The following BBX variants were observed in gnomAD, a reference collection of about 807,000 sequenced individuals.
BBX encodes HMG box transcription factor BBX.
BBX carries 30 observed loss-of-function variants against 100.2 expected under a neutral mutation model. The ratio of observed to expected loss-of-function variants is 0.30; its 90% CI spans 0.22 to 0.41. The LOEUF (loss-of-function observed/expected upper bound fraction) is 0.41, where lower values mean the gene tolerates loss of function less well. BBX is among the 10% of genes least tolerant of loss of function. The pLI is 1.00. For synonymous variants in BBX, 376 were observed against 388.1 expected (o/e 0.97, Z 0.37); for missense variants, 1,023 against 1,129.8 (o/e 0.91, Z 1.35).
At chr3:107,749,886 G>T (rs1011592910) in intron 9 of BBX, among the ~76,000 whole-genome samples, 1 of 152,002 alleles carries the variant, frequency 6.6e-6, no homozygotes, top group Non-Finnish European at 1.5e-5. Flanking sequence ...CGCCCGCCTC[G>T]GCCTTCCAAA....
At chr3:107,665,946 A>G (rs1458935389) in intron 3 of BBX, among the ~76,000 whole-genome samples, 1 of 151,460 alleles carries the variant, frequency 6.6e-6, no homozygotes, top group South Asian at 2.1e-4. Flanking sequence ...GGACACCTCA[A>G]CTCCAGGTGA....
intron 10 of BBX, among the ~76,000 whole-genome samples, chr3:107,758,324 A>G (rs2065644203): frequency 6.6e-6 from 1 of 152,214 alleles, no homozygotes; most frequent in South Asian, 2.1e-4. Flanking sequence ...AAGGAAGTTG[A>G]CAGCATGGAG....
Position 107,801,296 on chromosome 3 carries a change from G to A in BBX, c.2738+15G>A. The A allele has an allele frequency of 6.2e-7, 1 of 1,609,118 alleles. No homozygotes were observed. The highest frequency in any genetic ancestry group is 1.1e-5 in the South Asian group (1 of 90,480). On this transcript the variant is annotated intron_variant, in intron 17 of 17. Transcript: ENST00000325805. ...AATGTGCACAGGTTAGTGGTAGAAGGTGGAAGGAGAAAGCAACATGGAAAC... is the reference window on the plus strand; with the variant it reads ...AATGTGCACAGGTTAGTGGTAGAAGATGGAAGGAGAAAGCAACATGGAAAC...
intron 2 of BBX, among the ~76,000 whole-genome samples, chr3:107,612,891 G>C (rs2054949225): frequency 6.6e-6 from 1 of 152,168 alleles, no homozygotes; most frequent in Non-Finnish European, 1.5e-5. Context: ...CCAGAGCCTG[G>C]AGTCAGAAAC....
chr3:107,784,737 C>T (rs939079788), intron 13 of BBX, among the ~76,000 whole-genome samples: 7 of 151,644 alleles, frequency 4.6e-5, no homozygotes, highest in Non-Finnish European at 1.0e-4. Flanking sequence ...TAGCCTTCTA[C>T]TGTAAGACAC....
intron 10 of BBX, among the ~76,000 whole-genome samples, chr3:107,766,197 C>T (rs929184615): frequency 6.6e-6 from 1 of 152,164 alleles, no homozygotes; most frequent in African/African-American, 2.4e-5. Context: ...TCTCTCCACA[C>T]ACATATACAC....
Position 107,740,522 on chromosome 3 carries a change from T to C in BBX, c.670-4108T>C, listed in dbSNP as rs188289538. On this transcript the variant is annotated intron_variant, in intron 7 of 17. Coordinates refer to ENST00000325805, the MANE Select transcript of BBX (RefSeq NM_001142568.3). ...CAGACAGCGTCACCCTGCACTCCACTGACAGAATTACCTGACTACACATCT... is the reference window on the plus strand; with the variant it reads ...CAGACAGCGTCACCCTGCACTCCACCGACAGAATTACCTGACTACACATCT... 1.4e-4 allele frequency among the ~76,000 whole-genome samples: 21 copies of C among 152,230 alleles called. No homozygotes were observed. The East Asian group carries it at 4.1e-3, about 30-fold the overall frequency.
intron 2 of BBX, among the ~76,000 whole-genome samples, chr3:107,638,321 C>T (rs1270154741): frequency 6.6e-6 from 1 of 152,156 alleles, no homozygotes. Flanking sequence ...TCCCAAAGTG[C>T]TAGAATTATA....
intron 2 of BBX, among the ~76,000 whole-genome samples, chr3:107,566,057 C>T (rs2050878321): frequency 6.6e-6 from 1 of 151,450 alleles, no homozygotes; most frequent in Non-Finnish European, 1.5e-5. Context: ...TGCCTGTAAT[C>T]CCAGCCACTT....
At chr3:107,589,659 C>T (rs909603171) in intron 2 of BBX, among the ~76,000 whole-genome samples, 3 of 152,160 alleles carry the variant, frequency 2.0e-5, no homozygotes, top group African/African-American at 7.2e-5. Context: ...AGTTCTTTTT[C>T]AGTTTCAGAA....
At chr3:107,650,189 C>G (rs2057759921) in intron 3 of BBX, among the ~76,000 whole-genome samples, 1 of 152,216 alleles carries the variant, frequency 6.6e-6, no homozygotes, top group East Asian at 1.9e-4. Flanking sequence ...GGTCCATGGC[C>G]TGTTAGGAAC....
intron 3 of BBX, among the ~76,000 whole-genome samples, chr3:107,680,653 A>G (rs2059525239): frequency 6.6e-6 from 1 of 152,162 alleles, no homozygotes; most frequent in African/African-American, 2.4e-5. Flanking sequence ...CTGTCTCGCT[A>G]TAGCAGTTTT....
In BBX at chr3:107,810,873, T is replaced by A. The variant is rs2071257617; in HGVS notation, c.*5416T>A. On this transcript the variant is annotated 3_prime_UTR_variant, in exon 18 of 18. Coordinates refer to ENST00000325805, the MANE Select transcript of BBX (RefSeq NM_001142568.3). The stretch of plus-strand genomic sequence containing the variant: ...CACAGCTTCATTTGACCACCAGGTC[T>A]AAAGTCTGTTGACAGTTTCAGCATG... 6.6e-6 allele frequency: 1 copy of A among 152,184 alleles called. No individual in the cohort carries two copies. Among genetic ancestry groups the A allele is most frequent in the Non-Finnish European group, 1.5e-5 (1 of 68,028 alleles). The allele number at this position is 152,184 out of a possible 1,614,324, so 9.4% of individuals were successfully genotyped here. A position where few individuals can be genotyped will look rare whatever the true frequency, so the allele number is the denominator to read the frequency against.
At chr3:107,628,246 G>T (rs1576068938) in intron 2 of BBX, among the ~76,000 whole-genome samples, 1 of 151,872 alleles carries the variant, frequency 6.6e-6, no homozygotes, top group Non-Finnish European at 1.5e-5. Context: ...AGTATAGAAA[G>T]GTATAAAGGA....
At chr3:107,533,366 C>T (rs2048290361) in intron 2 of BBX, among the ~76,000 whole-genome samples, 1 of 152,172 alleles carries the variant, frequency 6.6e-6, no homozygotes, top group Non-Finnish European at 1.5e-5. Context: ...GATCATTGAA[C>T]AATTTAAGTT....
intron 3 of BBX, among the ~76,000 whole-genome samples, chr3:107,691,212 T>C (rs2060151140): frequency 6.6e-6 from 1 of 152,106 alleles, no homozygotes; most frequent in South Asian, 2.1e-4. Context: ...CTGGCCACTC[T>C]CGTACTTTTT....
chr3:107,797,512 T>C (rs987298370), intron 15 of BBX, among the ~76,000 whole-genome samples: 2 of 151,598 alleles, frequency 1.3e-5, no homozygotes, highest in Middle Eastern at 3.2e-3. Flanking sequence ...AATTGGATAG[T>C]TAAAAATTAT....
chr3:107,626,653 GAT>G (rs2056198575), intron 2 of BBX, among the ~76,000 whole-genome samples: 1 of 111,280 alleles, frequency 9.0e-6, no homozygotes, highest in Non-Finnish European at 1.7e-5. Context: ...CTTTCCATAG[GAT>G]TTTTTTTTTT....
rs1015952275 is a variant in BBX, at chr3:107,807,553, A to G, written c.*2096A>G. 3.3e-5 allele frequency: 5 copies of G among 152,316 alleles called. No homozygotes were observed. The highest frequency in any genetic ancestry group is 6.8e-3 in the Middle Eastern group (2 of 294). 9.4% of individuals were successfully genotyped at this position (152,316 alleles called of 1,614,324 possible). A position where few individuals can be genotyped will look rare whatever the true frequency, so the allele number is the denominator to read the frequency against. On this transcript the variant is annotated 3_prime_UTR_variant, in exon 18 of 18. Transcript: ENST00000325805. Reference sequence around the variant, plus strand: ...ACAAAAAACCAACAACAAAAATTGTATGGTGCGGAACATGCACCTTGACAA... The same window carrying G: ...ACAAAAAACCAACAACAAAAATTGTGTGGTGCGGAACATGCACCTTGACAA...
Sources: gnomAD v4.1 joint callset for allele counts (sites outside exome capture counted in the v4.1 genomes callset) on GRCh38, gnomAD v4.1.1 for gene constraint, MANE v1.5 for transcripts, NCBI Gene and HGNC (gene_info 2026-07-23, HGNC 2026-07-21) for gene names.